The following PEX5 variants were observed in gnomAD, a reference collection of about 807,000 sequenced individuals.
The protein encoded by PEX5 is peroxisomal biogenesis factor 5, also known as PTS1 receptor.
Under a neutral mutation model 82.9 loss-of-function variants are expected in PEX5, and 52 were observed. That is an observed-to-expected ratio of 0.63 (90% CI 0.50 to 0.79). The LOEUF (loss-of-function observed/expected upper bound fraction) is 0.79. PEX5 is among the 30% of genes least tolerant of loss of function. The probability of loss-of-function intolerance (pLI) is 0.00; values close to 1 mark genes in which losing one functional copy is unlikely to be tolerated. For synonymous variants in PEX5, 300 were observed against 318.8 expected (o/e 0.94, Z 0.63); for missense variants, 719 against 815.2 (o/e 0.88, Z 1.44).
At chr12:7,218,480 C>T (rs1215163467) in exon 18 of PEX5, 2 of 152,306 alleles carry the variant, frequency 1.3e-5, no homozygotes, top group East Asian at 3.9e-4. Flanking sequence ...ATATTGGATT[C>T]TCTACCTACC....
At position 7,197,499 on chromosome 12, in the gene PEX5, T is replaced by TTATATATAATATAATTATATATGG. The variant is rs1565689467; in HGVS notation, c.449-1502_449-1501insATAATTATATATGGTATATATAAT. ...ATATATAATATAATAATTATATATG[T>TTATATATAATATAATTATATATGG]TATATATAATGTAATAATTATATGT... On this transcript the variant is annotated intron_variant, in intron 5 of 15. Transcript: ENST00000675855. Among the ~76,000 whole-genome samples the TTATATATAATATAATTATATATGG allele has an allele frequency of 3.0e-4, 42 of 142,244 alleles. 2 individuals carry two copies. Among genetic ancestry groups the TTATATATAATATAATTATATATGG allele is most frequent in the African/African-American group, 8.8e-4 (34 of 38,830 alleles). The allele number at this position is 142,244 out of a possible 152,430, so 93.3% of individuals were successfully genotyped here.
At chr12:7,193,960 C>T (rs1941641518) in intron 5 of PEX5, among the ~76,000 whole-genome samples, 1 of 152,162 alleles carries the variant, frequency 6.6e-6, no homozygotes, top group Non-Finnish European at 1.5e-5. Flanking sequence ...AGTCTGCCTT[C>T]ATAAAAATGT....
chr12:7,202,732 A>T, intron 9 of PEX5, 28 bp downstream of exon 9: 1 of 1,502,676 alleles, frequency 6.7e-7, no homozygotes, highest in South Asian at 1.1e-5. Context: ...AGGAGCAGAC[A>T]CCCCAAAAGA....
At chr12:7,201,314 T>C (rs11614539) in intron 6 of PEX5, among the ~76,000 whole-genome samples, 2 of 84,862 alleles carry the variant, frequency 2.4e-5, no homozygotes, top group African/African-American at 7.4e-5. Flanking sequence ...CACATACACA[T>C]GTATATACAT....
At chr12:7,213,384 A>G (rs1258610995), downstream of PEX5, among the ~76,000 whole-genome samples, 2 of 149,204 alleles carry the variant, frequency 1.3e-5, no homozygotes, top group South Asian at 2.2e-4. Flanking sequence ...AAACAGAGAT[A>G]TAGATCAATG....
At chr12:7,202,128 T>C in intron 7 of PEX5, 113 bp from the exon 8 acceptor site, 1 of 1,519,088 alleles carries the variant, frequency 6.6e-7, no homozygotes, top group Non-Finnish European at 9.1e-7. Context: ...ATATCTTGTC[T>C]GCAGCTAGAG....
rs370703108 is a variant in PEX5, at chr12:7,197,252, T to TATACA, written c.449-1757_449-1756insACAAT. Among the ~76,000 whole-genome samples the TATACA allele has an allele frequency of 2.6e-4, 4 of 15,444 alleles. 1 individual carries two copies. The highest frequency in any genetic ancestry group is 7.1e-4 in the African/African-American group (4 of 5,654). The allele number at this position is 15,444 out of a possible 152,430, so 10.1% of individuals were successfully genotyped here. A position where few individuals can be genotyped will look rare whatever the true frequency, so the allele number is the denominator to read the frequency against. ...TGTCATATGTAATAATTATATGTCA[T>TATACA]ATGTAATAATTATATATGTCATATA... is the stretch of plus-strand genomic sequence containing the variant. On this transcript the variant is annotated intron_variant, in intron 5 of 15. Transcript: ENST00000675855.
chr12:7,191,776 A>C lies in PEX5; in HGVS notation c.448+76A>C, dbSNP rs933004132. The C allele has an allele frequency of 6.5e-5, 91 of 1,409,602 alleles. No individual in the cohort carries two copies. In the Admixed American group the frequency reaches 7.9e-4, roughly 12 times the overall value. The allele number at this position is 1,409,602 out of a possible 1,614,324, so 87.3% of individuals were successfully genotyped here. On this transcript the variant is annotated intron_variant, in intron 5 of 15. Transcript: ENST00000675855. ...TATACCCTTCCCCTGTTCACGTTAT[A>C]GTGTGATTACGATTTTTCTGGTCTC...
intron 9 of PEX5, among the ~76,000 whole-genome samples, chr12:7,202,936 C>T (rs1245815866): frequency 2.0e-5 from 3 of 151,982 alleles, no homozygotes; most frequent in African/African-American, 7.3e-5. Context: ...GTGGGTGGAT[C>T]ACCTGAGGTT....
downstream of PEX5, among the ~76,000 whole-genome samples, chr12:7,211,916 G>GAGAT (rs373702884): frequency 5.3e-5 from 8 of 151,632 alleles, no homozygotes; most frequent in South Asian, 2.1e-4. Flanking sequence ...TTTATACTTG[G>GAGAT]AGATAGATGT....
chr12:7,214,830 C>T (rs763307232), downstream of PEX5, among the ~76,000 whole-genome samples: 9 of 151,914 alleles, frequency 5.9e-5, no homozygotes, highest in South Asian at 4.2e-4. Context: ...TGGAAATCTT[C>T]GGATATAGAC....
chr12:7,217,363 A>G (rs1945808391), intron 17 of PEX5, among the ~76,000 whole-genome samples: 2 of 152,238 alleles, frequency 1.3e-5, no homozygotes, highest in South Asian at 4.1e-4. Flanking sequence ...TGGATTGGCA[A>G]TCTGGGCGCT....
chr12:7,201,306 CATACACAT>C (rs1565701538), intron 6 of PEX5, among the ~76,000 whole-genome samples: 2 of 133,646 alleles, frequency 1.5e-5, no homozygotes, highest in Admixed American at 8.5e-5. Context: ...CACACATACA[CATACACAT>C]GTATATACAT....
chr12:7,216,875 C>G (rs1426015206), intron 17 of PEX5, among the ~76,000 whole-genome samples: 3 of 152,090 alleles, frequency 2.0e-5, no homozygotes, highest in Admixed American at 1.3e-4. Context: ...CATCCAACAA[C>G]TTTTTAAAGG....
Position 7,208,050 on chromosome 12 carries a change from A to T in PEX5, c.1151A>T (p.Gln384Leu). The change falls in exon 12 of 16, where the codon CAA becomes CTA. Residue 384 changes from glutamine to leucine, a missense_variant. Physicochemically the swap from Gln to Leu is moderately radical, Grantham distance 113. Transcript: ENST00000675855. ...GGTACCACCCAGGCAGAGAATGAAC[A>T]AGAACTATTAGCCATCAGTGCATTG... ...YLGTTQAENE[Q>L]ELLAISALRR... 2 of 1,613,992 alleles carry T rather than the reference A, an allele frequency of 1.2e-6. No individual in the cohort carries two copies. The highest frequency in any genetic ancestry group is 1.7e-6 in the Non-Finnish European group (2 of 1,179,852).
chr12:7,189,517 G>C (rs1207345670), upstream of PEX5: 4 of 168,340 alleles, frequency 2.4e-5, no homozygotes, highest in Admixed American at 6.4e-5. Context: ...GACTCTCCAA[G>C]ACCCGCTCTC....
chr12:7,196,034 T>TATATA (rs1491395633), intron 5 of PEX5, among the ~76,000 whole-genome samples: 6 of 11,212 alleles, frequency 5.4e-4, no homozygotes, highest in African/African-American at 1.0e-3. Context: ...CATTATATAT[T>TATATA]ATATATATTA....
rs1565687069 is a variant in PEX5 at position 7,197,222 on chromosome 12, A to ATATATGTCATATATAATGTAAT, written c.449-1777_449-1776insATAATGTAATTATATGTCATAT. On this transcript the variant is annotated intron_variant, in intron 5 of 15. Coordinates refer to ENST00000675855, the MANE Select transcript of PEX5 (RefSeq NM_001351132.2). Reference sequence around the variant, plus strand: ...TATATATGTCATATATAATGTAATTATATATGTCATATGTAATAATTATAT... The same window carrying ATATATGTCATATATAATGTAAT: ...TATATATGTCATATATAATGTAATTATATATGTCATATATAATGTAATTATATGTCATATGTAATAATTATAT... Among the ~76,000 whole-genome samples, 8 of 69,176 alleles carry ATATATGTCATATATAATGTAAT rather than the reference A, an allele frequency of 1.2e-4. 2 individuals are homozygous for ATATATGTCATATATAATGTAAT. Among genetic ancestry groups the ATATATGTCATATATAATGTAAT allele is most frequent in the Admixed American group, 3.6e-4 (2 of 5,492 alleles). The allele number at this position is 69,176 out of a possible 152,430, so 45.4% of individuals were successfully genotyped here.
chr12:7,190,865 A>T, intron 2 of PEX5, 23 bp from the exon 3 acceptor site: 1 of 1,610,428 alleles, frequency 6.2e-7, no homozygotes, highest in Middle Eastern at 1.7e-4. Context: ...GCGTCATTGT[A>T]CATCTCTGTC....
Sources: gnomAD v4.1 joint callset for allele counts (sites outside exome capture counted in the v4.1 genomes callset) on GRCh38, gnomAD v4.1.1 for gene constraint, MANE v1.5 for transcripts, NCBI Gene and HGNC (gene_info 2026-07-23, HGNC 2026-07-21) for gene names.